Variants in DNAH6 observed in about 807,000 individuals in gnomAD.
The protein encoded by DNAH6 is dynein axonemal heavy chain 6, also known as axonemal beta dynein heavy chain 6.
In DNAH6, 340 loss-of-function variants were observed where a neutral mutation model predicts 491.4. The observed-to-expected ratio is 0.69, with a 90% CI of 0.63 to 0.76. The LOEUF is 0.76. Among genes scored for constraint, DNAH6 ranks in the 30% least tolerant of loss-of-function variants. DNAH6 has a pLI of 0.00. For missense variants in DNAH6, 4,443 were observed against 4,972.2 expected (o/e 0.89, Z 3.20); for synonymous variants, 1,603 against 1,686.1 (o/e 0.95, Z 1.21).
intron 45 of DNAH6, among the ~76,000 whole-genome samples, chr2:84,690,902 G>C (rs1694785665): frequency 6.6e-6 from 1 of 152,152 alleles, no homozygotes; most frequent in Non-Finnish European, 1.5e-5. Flanking sequence ...TTAGTTTTTG[G>C]CTTTTTAATG....
intron 9 of DNAH6, among the ~76,000 whole-genome samples, chr2:84,550,496 A>G (rs575146819): frequency 6.6e-6 from 1 of 152,192 alleles, no homozygotes; most frequent in South Asian, 2.1e-4. Flanking sequence ...GACCCCTGGC[A>G]TAGAGTATTT....
chr2:84,652,696 A>T (rs1016037588), intron 33 of DNAH6, among the ~76,000 whole-genome samples: 2 of 152,060 alleles, frequency 1.3e-5, no homozygotes, highest in Non-Finnish European at 2.9e-5. Flanking sequence ...TTTTAACTGT[A>T]TCACAAATGT....
chr2:84,681,400 A>T lies in DNAH6; in HGVS notation c.6788A>T (p.Lys2263Met). 6.4e-7 allele frequency: 1 copy of T among 1,551,442 alleles called. No homozygotes were observed. The part of the protein sequence containing the change: ...GFLSDFPPAV[K>M]QTASSIVEAS... ...CTGAGTGACTTTCCACCAGCTGTAAAGCAAACTGCATCAAGCATTGTAGAA... is the reference window on the plus strand; with the variant it reads ...CTGAGTGACTTTCCACCAGCTGTAATGCAAACTGCATCAAGCATTGTAGAA... The change falls in exon 42 of 77, where the codon AAG becomes ATG. Residue 2263 changes from lysine to methionine, a missense_variant. By Grantham distance (95) the Lys-to-Met change is moderately conservative. Coordinates refer to ENST00000389394, the MANE Select transcript of DNAH6 (RefSeq NM_001370.2).
At chr2:84,691,276 A>C (rs1215881652) in intron 45 of DNAH6, among the ~76,000 whole-genome samples, 1 of 152,274 alleles carries the variant, frequency 6.6e-6, no homozygotes, top group Non-Finnish European at 1.5e-5. Context: ...ATAATAATGT[A>C]CATGAAATAA....
chr2:84,557,375 G>T lies in DNAH6; in HGVS notation c.1603-360G>T, dbSNP rs374122492. ...TCAAAAATATTTATAGGCCGGGCGC[G>T]GTGGCTCACGCCTGTAATCCCAGCA... On this transcript the variant is annotated intron_variant, in intron 10 of 76. Transcript: ENST00000389394. Among the ~76,000 whole-genome samples, 52 of 152,066 alleles carry T rather than the reference G, an allele frequency of 3.4e-4. 1 individual carries two copies. The highest frequency in any genetic ancestry group is 1.2e-3 in the African/African-American group (51 of 41,474).
intron 37 of DNAH6, 145 bp downstream of exon 37, chr2:84,659,314 T>C (rs1466336723): frequency 2.1e-5 from 10 of 476,800 alleles, no homozygotes; most frequent in South Asian, 6.8e-5. Flanking sequence ...TTTCCAACCA[T>C]AGACAACATT....
intron 42 of DNAH6, among the ~76,000 whole-genome samples, chr2:84,684,247 C>A (rs1694073196): frequency 6.6e-6 from 1 of 152,214 alleles, no homozygotes; most frequent in South Asian, 2.1e-4. Flanking sequence ...CTTTCATGAA[C>A]CGCTTCAGAC....
intron 33 of DNAH6, among the ~76,000 whole-genome samples, chr2:84,643,648 T>TAG: frequency 6.6e-6 from 1 of 152,332 alleles, no homozygotes; most frequent in South Asian, 2.1e-4. Context: ...GTGTCCAATC[T>TAG]ACTAATAAGC....
intron 11 of DNAH6, among the ~76,000 whole-genome samples, chr2:84,570,474 A>G (rs1013143938): frequency 6.6e-6 from 1 of 151,582 alleles, no homozygotes; most frequent in Non-Finnish European, 1.5e-5. Flanking sequence ...CTCTGTAAAA[A>G]CGCACCAATC....
chr2:84,670,466 A>G lies in DNAH6; in HGVS notation c.6445A>G (p.Asn2149Asp). 6.5e-7 allele frequency: 1 copy of G among 1,528,404 alleles called. No individual in the cohort carries two copies. The highest frequency in any genetic ancestry group is 1.3e-5 in the South Asian group (1 of 79,072). The allele number at this position is 1,528,404 out of a possible 1,614,324, so 94.7% of individuals were successfully genotyped here. A position where few individuals can be genotyped will look rare whatever the true frequency, so the allele number is the denominator to read the frequency against. ...IESKLERKRKNILGAPGNKRI... is the reference protein window; with the variant it reads ...IESKLERKRKDILGAPGNKRI... ...GTCAAAACTGGAGAGAAAAAGAAAAAATATTCTAGGTAAGAATCATTATTT... is the reference window on the plus strand; with the variant it reads ...GTCAAAACTGGAGAGAAAAAGAAAAGATATTCTAGGTAAGAATCATTATTT... The change falls in exon 39 of 77, where the codon AAT becomes GAT. Residue 2149 changes from asparagine to aspartate, a missense_variant. Transcript: ENST00000389394.
At chr2:84,468,047 T>C in the DNAH6 span, among the ~76,000 whole-genome samples, 90 of 152,342 alleles carry the variant, frequency 5.9e-4, no homozygotes, top group Admixed American at 6.5e-4. Flanking sequence ...TTAGCAAACT[T>C]AATATCTGAC....
chr2:84,793,886 AAAG>A (rs1210101931), intron 68 of DNAH6, among the ~76,000 whole-genome samples: 1 of 152,236 alleles, frequency 6.6e-6, no homozygotes, highest in East Asian at 1.9e-4. Context: ...TTGAGATTCC[AAAG>A]ACTGAAATAA....
At chr2:84,788,657 A>T (rs981773480) in intron 68 of DNAH6, among the ~76,000 whole-genome samples, 2 of 152,286 alleles carry the variant, frequency 1.3e-5, no homozygotes, top group African/African-American at 4.8e-5. Context: ...GCTTTATCAC[A>T]TTTTTTGTTT....
At chr2:84,482,651 C>T in the DNAH6 span, among the ~76,000 whole-genome samples, 1 of 152,250 alleles carries the variant, frequency 6.6e-6, no homozygotes, top group African/African-American at 2.4e-5. Context: ...TTTTCTCCAA[C>T]AACTGCTACT....
intron 63 of DNAH6, among the ~76,000 whole-genome samples, chr2:84,761,161 C>A (rs570347214): frequency 2.0e-5 from 3 of 152,228 alleles, no homozygotes; most frequent in East Asian, 3.9e-4. Flanking sequence ...AAAATCATGT[C>A]TCTTGCAGCA....
the DNAH6 span, among the ~76,000 whole-genome samples, chr2:84,495,607 T>G: frequency 6.6e-6 from 1 of 152,206 alleles, no homozygotes; most frequent in African/African-American, 2.4e-5. Context: ...AAGGAAAACT[T>G]TATAATAATT....
At chr2:84,616,502 T>C (rs967453447) in intron 22 of DNAH6, among the ~76,000 whole-genome samples, 1 of 152,124 alleles carries the variant, frequency 6.6e-6, no homozygotes, top group African/African-American at 2.4e-5. Flanking sequence ...TAAATAAGAA[T>C]AGCTACTCCT....
the DNAH6 span, among the ~76,000 whole-genome samples, chr2:84,510,742 A>C: frequency 6.6e-6 from 1 of 152,012 alleles, no homozygotes; most frequent in African/African-American, 2.4e-5. Context: ...TGACATACAG[A>C]TGGGGTTTTG....
chr2:84,792,242 A>C (rs1203198711), intron 68 of DNAH6, among the ~76,000 whole-genome samples: 1 of 152,158 alleles, frequency 6.6e-6, no homozygotes, highest in African/African-American at 2.4e-5. Context: ...GAAAATGGGG[A>C]GTTGTTGTTC....
Sources: allele counts gnomAD v4.1 joint callset (sites outside exome capture counted in the v4.1 genomes callset), GRCh38; gene constraint gnomAD v4.1.1; transcripts MANE v1.5; gene names NCBI Gene and HGNC (gene_info 2026-07-23, HGNC 2026-07-21).